The following RPS6KA2 variants were observed in gnomAD, a reference collection of about 807,000 sequenced individuals.
RPS6KA2 encodes the protein ribosomal protein S6 kinase alpha-2.
Under a neutral mutation model 91.8 loss-of-function variants are expected in RPS6KA2, and 42 were observed. The ratio of observed to expected loss-of-function variants is 0.46; its 90% CI spans 0.36 to 0.59. RPS6KA2 has a LOEUF of 0.59. Among genes scored for constraint, RPS6KA2 ranks in the 20% least tolerant of loss-of-function variants. The pLI is 0.00. For missense variants in RPS6KA2, 798 were observed against 978.5 expected (o/e 0.82, Z 2.46); for synonymous variants, 414 against 393.6 (o/e 1.05, Z -0.61).
intron 3 of RPS6KA2, among the ~76,000 whole-genome samples, chr6:166,519,599 G>A (rs1782776360): frequency 6.6e-6 from 1 of 152,188 alleles, no homozygotes; most frequent in Non-Finnish European, 1.5e-5. Flanking sequence ...AATCCCTGGG[G>A]CTGAGATGGT....
intron 2 of RPS6KA2, chr6:166,701,115 T>C (rs1789505238): frequency 6.2e-7 from 1 of 1,611,462 alleles, no homozygotes; most frequent in Non-Finnish European, 8.5e-7. Context: ...TTGACTGAGG[T>C]GGTCCACTTT....
chr6:166,587,900 T>C (rs890751471), intron 1 of RPS6KA2, among the ~76,000 whole-genome samples: 2 of 151,946 alleles, frequency 1.3e-5, no homozygotes, highest in African/African-American at 4.8e-5. Flanking sequence ...GAGGTGAGAG[T>C]GAGACCCTGC....
intron 9 of RPS6KA2, 84 bp from the exon 10 acceptor site, chr6:166,489,005 C>T: frequency 2.6e-6 from 3 of 1,174,658 alleles, no homozygotes; most frequent in Non-Finnish European, 3.7e-6. Flanking sequence ...CATTCAGAGA[C>T]CTCAATCGCA....
At chr6:166,795,618 A>G (rs1480815054) in intron 2 of RPS6KA2, among the ~76,000 whole-genome samples, 1 of 152,212 alleles carries the variant, frequency 6.6e-6, no homozygotes, top group African/African-American at 2.4e-5. Flanking sequence ...GGAGGTTGTC[A>G]GGGGTCCCCT....
At chr6:166,856,814 A>G (rs897786249) in intron 2 of RPS6KA2, among the ~76,000 whole-genome samples, 4 of 152,212 alleles carry the variant, frequency 2.6e-5, no homozygotes, top group Admixed American at 2.0e-4. Context: ...ATTGAGCATC[A>G]TATTTTCAGG....
intron 2 of RPS6KA2, among the ~76,000 whole-genome samples, chr6:166,744,403 G>A (rs913120623): frequency 1.3e-5 from 2 of 152,132 alleles, no homozygotes; most frequent in Admixed American, 6.5e-5. Flanking sequence ...GAGTCGGAGG[G>A]GAATGGGAGC....
chr6:166,800,423 T>C (rs1254616532), intron 2 of RPS6KA2, among the ~76,000 whole-genome samples: 1 of 152,194 alleles, frequency 6.6e-6, no homozygotes, highest in Non-Finnish European at 1.5e-5. Flanking sequence ...CCACAGCGCA[T>C]ACACTGGAAC....
chr6:166,773,038 C>T (rs1443396353), intron 2 of RPS6KA2, among the ~76,000 whole-genome samples: 1 of 152,210 alleles, frequency 6.6e-6, no homozygotes, highest in African/African-American at 2.4e-5. Context: ...ATCCTCTCTA[C>T]ACCATGGTCA....
intron 2 of RPS6KA2, among the ~76,000 whole-genome samples, chr6:166,632,264 G>A (rs1787101766): frequency 6.6e-6 from 1 of 152,154 alleles, no homozygotes; most frequent in Non-Finnish European, 1.5e-5. Context: ...GCTTGATTGT[G>A]GGAACCCTTA....
chr6:166,545,471 C>T (rs1783796781), intron 1 of RPS6KA2, among the ~76,000 whole-genome samples: 1 of 152,156 alleles, frequency 6.6e-6, no homozygotes, highest in South Asian at 2.1e-4. Flanking sequence ...TGAGGCTGGG[C>T]TAATGTAAGG....
At position 166,612,351 on chromosome 6, in the gene RPS6KA2, T is replaced by C. The variant is rs3799576; in HGVS notation, c.99+14570A>G. 6.2e-3 allele frequency among the ~76,000 whole-genome samples: 939 copies of C among 152,280 alleles called. 18 individuals carry two copies. Among genetic ancestry groups the C allele is most frequent in the South Asian group, 0.057 (276 of 4,818 alleles). ...GTGGTCTGCTCAGAGACGTTTATCC[T>C]CCTTGCAGCTGGTGCATGAGTGAAA... On this transcript the variant is annotated intron_variant, in intron 1 of 20. Transcript: ENST00000265678. This position sits in a 1 kb window ranked among gnomAD's most constrained non-coding sequence, Gnocchi z 4.3.
intron 13 of RPS6KA2, among the ~76,000 whole-genome samples, chr6:166,450,409 G>GA (rs1218504427): frequency 5.0e-5 from 4 of 79,260 alleles, no homozygotes; most frequent in Admixed American, 1.4e-4. Context: ...ATCACCACAG[G>GA]GACCACCACA....
intron 15 of RPS6KA2, 56 bp downstream of exon 15, chr6:166,432,345 G>T: frequency 8.6e-7 from 1 of 1,163,232 alleles, no homozygotes; most frequent in Non-Finnish European, 1.3e-6. Context: ...TGGGAGTTTT[G>T]TGTCAGTTGA....
intron 2 of RPS6KA2, among the ~76,000 whole-genome samples, chr6:166,663,563 T>A (rs1788222203): frequency 6.6e-6 from 1 of 152,236 alleles, no homozygotes. Context: ...CTTTGGTTTG[T>A]CCCTTCTCCA....
intron 1 of RPS6KA2, among the ~76,000 whole-genome samples, chr6:166,569,251 C>T (rs1017271053): frequency 6.6e-6 from 1 of 152,224 alleles, no homozygotes; most frequent in African/African-American, 2.4e-5. Context: ...CTGGTTTGGC[C>T]CATTCTGCTC....
At chr6:166,482,718 A>G (rs1266722030) in intron 10 of RPS6KA2, among the ~76,000 whole-genome samples, 1 of 152,160 alleles carries the variant, frequency 6.6e-6, no homozygotes, top group Non-Finnish European at 1.5e-5. Context: ...AAATTAGTGA[A>G]GTGGAAAGGT....
At chr6:166,682,359 C>T (rs1055470695) in intron 2 of RPS6KA2, among the ~76,000 whole-genome samples, 2 of 152,186 alleles carry the variant, frequency 1.3e-5, no homozygotes, top group African/African-American at 4.8e-5. Flanking sequence ...TCAGTATCCA[C>T]GTTTGGCTTA....
At chr6:166,687,035 G>C (rs370873911) in intron 2 of RPS6KA2, among the ~76,000 whole-genome samples, 136 of 152,308 alleles carry the variant, frequency 8.9e-4, no homozygotes, top group Middle Eastern at 6.8e-3. Flanking sequence ...GCCATATGAA[G>C]ACACAAGCCA....
At chr6:166,427,462 C>A (rs1049136189) in intron 16 of RPS6KA2, among the ~76,000 whole-genome samples, 16 of 151,640 alleles carry the variant, frequency 1.1e-4, no homozygotes, top group African/African-American at 3.9e-4. Context: ...GGCAATTAGG[C>A]AGGAGAAGGA....
Sources: gnomAD v4.1 joint callset for allele counts (sites outside exome capture counted in the v4.1 genomes callset) on GRCh38, gnomAD v4.1.1 for gene constraint, Gnocchi (gnomAD v3.1) non-coding constraint, MANE v1.5 for transcripts, NCBI Gene and HGNC (gene_info 2026-07-23, HGNC 2026-07-21) for gene names.